KCNH7: variants seen among roughly 807,000 people sequenced by gnomAD.
KCNH7 encodes potassium voltage-gated channel subfamily H member 7.
A neutral mutation model predicts 120.8 loss-of-function variants in KCNH7; 49 were observed. The observed-to-expected ratio is 0.41, with a 90% CI of 0.32 to 0.51. KCNH7 has a LOEUF of 0.51. KCNH7 is among the 20% of genes least tolerant of loss of function. The probability of loss-of-function intolerance (pLI) is 0.38; values close to 1 mark genes in which losing one functional copy is unlikely to be tolerated. For missense variants in KCNH7, 1,097 were observed against 1,446.6 expected, an observed-to-expected ratio of 0.76 and a Z score of 3.92; for synonymous variants, 547 against 516.1, an observed-to-expected ratio of 1.06 and a Z score of -0.81.
At chr2:162,506,019 G>A (rs1469816112) in intron 5 of KCNH7, among the ~76,000 whole-genome samples, 1 of 151,794 alleles carries the variant, frequency 6.6e-6, no homozygotes. Context: ...GTTTACACTT[G>A]TTTATTATAA....
intron 6 of KCNH7, among the ~76,000 whole-genome samples, chr2:162,493,127 G>A (rs187114723): frequency 1.3e-5 from 2 of 152,170 alleles, no homozygotes; most frequent in Admixed American, 1.3e-4. Context: ...TTCCAGGTAT[G>A]CCTGCTTTTT....
intron 2 of KCNH7, among the ~76,000 whole-genome samples, chr2:162,571,442 A>G (rs1447092198): frequency 6.8e-6 from 1 of 147,758 alleles, no homozygotes; most frequent in Non-Finnish European, 1.5e-5. Flanking sequence ...GGTAGGAAGA[A>G]TCAATATCAT....
chr2:162,600,776 T>C (rs1017286670), intron 2 of KCNH7, among the ~76,000 whole-genome samples: 2 of 152,066 alleles, frequency 1.3e-5, no homozygotes, highest in African/African-American at 4.8e-5. Context: ...TAGTTCTGGG[T>C]CCCTGTTTTG....
In KCNH7 at chr2:162,792,198, G is replaced by A. The variant is rs574048002; in HGVS notation, c.307+44339C>T. On this transcript the variant is annotated intron_variant, in intron 2 of 15. Coordinates refer to ENST00000332142, the MANE Select transcript of KCNH7 (RefSeq NM_033272.4). ...GGATTTGGTTTGCCAGTATTTTGTT[G>A]AGGATTTTTGCATCAATGTTCATCA... Among the ~76,000 whole-genome samples, 6 of 152,214 alleles carry A rather than the reference G, an allele frequency of 3.9e-5. No homozygotes were observed. In the South Asian group the frequency reaches 1.2e-3, roughly 32 times the overall value.
At chr2:162,397,720 G>A (rs1686955841) in intron 10 of KCNH7, among the ~76,000 whole-genome samples, 1 of 151,838 alleles carries the variant, frequency 6.6e-6, no homozygotes, top group Non-Finnish European at 1.5e-5. Context: ...TTGAGGACTA[G>A]TAGGTGCCAG....
intron 2 of KCNH7, among the ~76,000 whole-genome samples, chr2:162,829,698 AG>A (rs1367267299): frequency 6.6e-6 from 1 of 152,132 alleles, no homozygotes; most frequent in Non-Finnish European, 1.5e-5. Flanking sequence ...TTAATATCTT[AG>A]ATTACTAAAC....
intron 2 of KCNH7, among the ~76,000 whole-genome samples, chr2:162,790,386 C>T (rs1171527585): frequency 6.6e-6 from 1 of 152,012 alleles, no homozygotes; most frequent in African/African-American, 2.4e-5. Flanking sequence ...CTAATGGCTT[C>T]TCTGGTGAAT....
intron 2 of KCNH7, among the ~76,000 whole-genome samples, chr2:162,610,364 C>A (rs1020378642): frequency 3.3e-5 from 5 of 152,048 alleles, no homozygotes; most frequent in African/African-American, 1.2e-4. Flanking sequence ...CTTTCCACAC[C>A]ATCTTCAAGA....
chr2:162,611,979 T>C (rs1682982556), intron 2 of KCNH7, among the ~76,000 whole-genome samples: 1 of 152,184 alleles, frequency 6.6e-6, no homozygotes, highest in Non-Finnish European at 1.5e-5. Flanking sequence ...TTTGGAATAG[T>C]CCGGATCACA....
intron 2 of KCNH7, among the ~76,000 whole-genome samples, chr2:162,611,674 T>C (rs1184139080): frequency 6.6e-6 from 1 of 152,194 alleles, no homozygotes; most frequent in African/African-American, 2.4e-5. Context: ...AGAGTTTTTA[T>C]TTTTTGTTTT....
chr2:162,406,824 T>C (rs554091985), intron 9 of KCNH7, among the ~76,000 whole-genome samples: 25 of 152,140 alleles, frequency 1.6e-4, no homozygotes, highest in Non-Finnish European at 2.9e-4. Flanking sequence ...CCCAACATAA[T>C]GGATTCTGTA....
chr2:162,755,986 TAGAG>T (rs1169853498), intron 2 of KCNH7, among the ~76,000 whole-genome samples: 6 of 152,212 alleles, frequency 3.9e-5, no homozygotes, highest in East Asian at 1.9e-4. Context: ...TTAAGAGAAA[TAGAG>T]AGAAACAAGT....
At chr2:162,437,795 C>T (rs1688293612) in intron 7 of KCNH7, among the ~76,000 whole-genome samples, 1 of 152,090 alleles carries the variant, frequency 6.6e-6, no homozygotes, top group Non-Finnish European at 1.5e-5. Flanking sequence ...GAAAGAGCTT[C>T]CACCCTTTTT....
At chr2:162,420,937 T>A (rs1362592940) in intron 9 of KCNH7, among the ~76,000 whole-genome samples, 2 of 152,094 alleles carry the variant, frequency 1.3e-5, no homozygotes, top group Non-Finnish European at 2.9e-5. Context: ...AAAAAATCCA[T>A]TTTGATTTTT....
At chr2:162,600,170 T>C (rs1694505121) in intron 2 of KCNH7, among the ~76,000 whole-genome samples, 1 of 152,102 alleles carries the variant, frequency 6.6e-6, no homozygotes. Flanking sequence ...GACTAATCTC[T>C]GCAGAACACC....
chr2:162,696,400 A>G (rs1055323058), intron 2 of KCNH7, among the ~76,000 whole-genome samples: 3 of 152,202 alleles, frequency 2.0e-5, no homozygotes, highest in Non-Finnish European at 4.4e-5. Flanking sequence ...CTGTAATTCT[A>G]TCATCCCGAG....
intron 9 of KCNH7, among the ~76,000 whole-genome samples, chr2:162,419,767 C>A (rs1337749974): frequency 6.6e-6 from 1 of 152,122 alleles, no homozygotes; most frequent in Non-Finnish European, 1.5e-5. Context: ...TGGAGTCCTT[C>A]TTCATTCAAG....
intron 2 of KCNH7, among the ~76,000 whole-genome samples, chr2:162,649,114 C>T (rs544334019): frequency 2.0e-5 from 3 of 152,178 alleles, no homozygotes; most frequent in Non-Finnish European, 4.4e-5. Context: ...CATTAAGACT[C>T]TATTTCCACT....
intron 2 of KCNH7, among the ~76,000 whole-genome samples, chr2:162,549,155 T>C (rs1490975640): frequency 6.6e-6 from 1 of 152,160 alleles, no homozygotes; most frequent in African/African-American, 2.4e-5. Flanking sequence ...TACCAGTACA[T>C]ACATTTATCC....
Sources: gnomAD v4.1 joint callset for allele counts (sites outside exome capture counted in the v4.1 genomes callset) on GRCh38, gnomAD v4.1.1 for gene constraint, MANE v1.5 for transcripts, NCBI Gene and HGNC (gene_info 2026-07-23, HGNC 2026-07-21) for gene names.